MFN2: variants seen among roughly 807,000 people sequenced by gnomAD.
MFN2 encodes the protein mitofusin-2.
Under a neutral mutation model 87.5 loss-of-function variants are expected in MFN2, and 43 were observed. The observed-to-expected ratio is 0.49, with a 90% CI of 0.38 to 0.63. The LOEUF is 0.63. Among genes scored for constraint, MFN2 ranks in the 30% least tolerant of loss-of-function variants. MFN2 has a pLI of 0.00. For synonymous variants in MFN2, 337 were observed against 359.9 expected (o/e 0.94, Z 0.72); for missense variants, 743 against 972.8 (o/e 0.76, Z 3.14).
At chr1:11,998,628 T>G in intron 6 of MFN2, 142 bp from the exon 7 acceptor site, 2 of 786,424 alleles carry the variant, frequency 2.5e-6, no homozygotes, top group South Asian at 2.7e-5. Flanking sequence ...AATCCGTTAA[T>G]GAGGGCCAGG....
intron 8 of MFN2, 35 bp from the exon 9 acceptor site, chr1:12,001,366 T>G (rs1639163528): frequency 6.2e-7 from 1 of 1,611,524 alleles, no homozygotes; most frequent in Admixed American, 1.7e-5. Context: ...TGGGGCCACC[T>G]ACACTCACTC....
intron 2 of MFN2, among the ~76,000 whole-genome samples, chr1:11,982,903 G>A (rs560415730): frequency 3.1e-4 from 47 of 152,290 alleles, no homozygotes; most frequent in South Asian, 6.2e-4. Context: ...CTATTACACA[G>A]AAGGGTTTTT....
chr1:11,986,495 G>A (rs1638411444), intron 2 of MFN2, among the ~76,000 whole-genome samples: 1 of 152,100 alleles, frequency 6.6e-6, no homozygotes, highest in African/African-American at 2.4e-5. Flanking sequence ...TCGCCGTGGT[G>A]GGAACTCTGA....
chr1:11,998,111 T>C (rs1447782840), intron 6 of MFN2, among the ~76,000 whole-genome samples: 3 of 151,552 alleles, frequency 2.0e-5, no homozygotes, highest in Admixed American at 2.0e-4. Context: ...CTTGAACTGC[T>C]GACCTCATGA....
intron 4 of MFN2, among the ~76,000 whole-genome samples, chr1:11,993,292 C>T (rs181654870): frequency 2.8e-4 from 42 of 152,060 alleles, no homozygotes; most frequent in Admixed American, 6.6e-4. Flanking sequence ...ATTTAATACA[C>T]GTGTTCTTAA....
chr1:11,999,656 C>T (rs1308165578), intron 8 of MFN2, among the ~76,000 whole-genome samples: 1 of 151,832 alleles, frequency 6.6e-6, no homozygotes, highest in Non-Finnish European at 1.5e-5. Context: ...CCACGCCTGG[C>T]CTCACAACTC....
At chr1:11,981,111 C>T (rs772812874) in intron 1 of MFN2, among the ~76,000 whole-genome samples, 1 of 152,192 alleles carries the variant, frequency 6.6e-6, no homozygotes, top group African/African-American at 2.4e-5. Context: ...CAGAAAAGGG[C>T]TCTGGTTATC....
intron 7 of MFN2, 52 bp downstream of exon 7, chr1:11,998,930 G>A: frequency 6.2e-7 from 1 of 1,612,208 alleles, no homozygotes; most frequent in Non-Finnish European, 8.5e-7. Context: ...TGGGCAGGCA[G>A]CTGATGGGGC....
chr1:11,986,099 T>G (rs1483856948), intron 2 of MFN2, among the ~76,000 whole-genome samples: 1 of 152,210 alleles, frequency 6.6e-6, no homozygotes, highest in African/African-American at 2.4e-5. Flanking sequence ...ACTTGTTGGT[T>G]TGGGCACACA....
At chr1:11,986,271 G>GT (rs1281184478) in intron 2 of MFN2, among the ~76,000 whole-genome samples, 2 of 152,186 alleles carry the variant, frequency 1.3e-5, no homozygotes, top group East Asian at 3.8e-4. Context: ...CCATTTGGAA[G>GT]TTTTTCACGT....
intron 8 of MFN2, 28 bp downstream of exon 8, chr1:11,999,123 G>A (rs1454023933): frequency 1.3e-6 from 2 of 1,597,432 alleles, no homozygotes; most frequent in Non-Finnish European, 1.7e-6. Context: ...GCAGTTTGGG[G>A]AATGCAACCC....
intron 17 of MFN2, among the ~76,000 whole-genome samples, chr1:12,008,800 C>T (rs558660379): frequency 2.6e-5 from 4 of 152,122 alleles, no homozygotes; most frequent in South Asian, 2.1e-4. Context: ...ACTTCTCAGA[C>T]GGGGTGGCGG....
rs571549453 is a variant in MFN2, at chr1:11,984,917, C to G, written c.-5+2803C>G. 1.6e-4 allele frequency among the ~76,000 whole-genome samples: 25 copies of G among 152,286 alleles called. 1 individual carries two copies. The South Asian group carries it at 5.2e-3, about 32-fold the overall frequency. On this transcript the variant is annotated intron_variant, in intron 2 of 18. Coordinates refer to ENST00000235329, the MANE Select transcript of MFN2 (RefSeq NM_014874.4). ...ATATCCCTCATAATAACCTGGTAAA[C>G]GTAAGTAAGTGTTTCCCTGGGCTAG... is the stretch of plus-strand genomic sequence containing the variant.
At chr1:12,002,159 AC>A (rs1193808828) in intron 11 of MFN2, 56 bp downstream of exon 11, 11 of 1,612,990 alleles carry the variant, frequency 6.8e-6, no homozygotes, top group Admixed American at 6.7e-5. Flanking sequence ...AGGGTGCTCC[AC>A]CCCTGCCTTG....
At chr1:11,985,272 GAC>G (rs1249761844) in intron 2 of MFN2, among the ~76,000 whole-genome samples, 6 of 152,092 alleles carry the variant, frequency 3.9e-5, no homozygotes, top group Non-Finnish European at 7.4e-5. Context: ...GATAATTTGA[GAC>G]AGTTTCTCTC....
Position 12,012,295 on chromosome 1 carries a change from C to T in MFN2, c.*730C>T, listed in dbSNP as rs112550280. ...CACTGGGACAAGGAGGGACTTGCCT[C>T]TCTTCTCATTATTGTGTCCTTTGCT... On this transcript the variant is annotated 3_prime_UTR_variant, in exon 19 of 19. Coordinates refer to ENST00000235329, the MANE Select transcript of MFN2 (RefSeq NM_014874.4). 3,061 of 154,786 alleles carry T rather than the reference C, an allele frequency of 0.02. 111 individuals carry two copies. The highest frequency in any genetic ancestry group is 0.069 in the African/African-American group (2,874 of 41,494). The allele number at this position is 154,786 out of a possible 1,614,324, so 9.6% of individuals were successfully genotyped here. A position where few individuals can be genotyped will look rare whatever the true frequency, so the allele number is the denominator to read the frequency against.
chr1:11,981,713 C>T (rs1260270667), intron 1 of MFN2: 1 of 152,390 alleles, frequency 6.6e-6, no homozygotes, highest in Admixed American at 6.5e-5. Flanking sequence ...TTTCCCAGGG[C>T]TCCTGCAGGG....
intron 15 of MFN2, 30 bp downstream of exon 15, chr1:12,005,961 T>C (rs750270385): frequency 1.2e-6 from 2 of 1,602,994 alleles, no homozygotes; most frequent in Non-Finnish European, 1.7e-6. Flanking sequence ...TCAAGGGCAT[T>C]GTGGGGGGTC....
chr1:11,989,703 A>G (rs2100804096), intron 3 of MFN2, among the ~76,000 whole-genome samples: 1 of 152,310 alleles, frequency 6.6e-6, no homozygotes, highest in South Asian at 2.1e-4. Context: ...TCCGGAGCCC[A>G]CGTGTTTTCC....
Sources: allele counts gnomAD v4.1 joint callset (sites outside exome capture counted in the v4.1 genomes callset), GRCh38; gene constraint gnomAD v4.1.1; transcripts MANE v1.5; gene names NCBI Gene and HGNC (gene_info 2026-07-23, HGNC 2026-07-21).